PCDH9: variants seen among roughly 807,000 people sequenced by gnomAD.
The protein encoded by PCDH9 is protocadherin 9.
PCDH9 carries 24 observed loss-of-function variants against 70.6 expected under a neutral mutation model. The ratio of observed to expected loss-of-function variants is 0.34; its 90% CI spans 0.25 to 0.48. PCDH9 has a LOEUF of 0.48. PCDH9 is among the 20% of genes least tolerant of loss of function. The pLI is 0.99. For missense variants in PCDH9, 1,281 were observed against 1,503.6 expected, an observed-to-expected ratio of 0.85 and a Z score of 2.45; for synonymous variants, 562 against 558.5, an observed-to-expected ratio of 1.01 and a Z score of -0.09.
At chr13:66,324,607 G>T (rs922615918) in intron 4 of PCDH9, among the ~76,000 whole-genome samples, 1 of 151,930 alleles carries the variant, frequency 6.6e-6, no homozygotes, top group Non-Finnish European at 1.5e-5. Context: ...ATAGCCTAAA[G>T]TGAAAATGCA....
Position 66,560,106 on chromosome 13 carries a change from G to T in PCDH9, c.3340+71104C>A, listed in dbSNP as rs542833646. On this transcript the variant is annotated intron_variant, in intron 4 of 4. Coordinates refer to ENST00000377865, the MANE Select transcript of PCDH9 (RefSeq NM_203487.3). ...GCAGTCCTGTGTGTGGACTCCATTG[G>T]ACCACAGAAGAATGAGCCTTCAACC... is the stretch of plus-strand genomic sequence containing the variant. 2.0e-5 allele frequency among the ~76,000 whole-genome samples: 3 copies of T among 151,978 alleles called. No homozygotes were observed. The East Asian group carries it at 5.8e-4, about 29-fold the overall frequency.
At chr13:66,885,719 C>G (rs1170871452) in intron 3 of PCDH9, among the ~76,000 whole-genome samples, 1 of 152,004 alleles carries the variant, frequency 6.6e-6, no homozygotes, top group Admixed American at 6.6e-5. Context: ...CTTAATTTCT[C>G]CTCTATATTT....
At chr13:66,379,533 C>T (rs1403159352) in intron 4 of PCDH9, among the ~76,000 whole-genome samples, 2 of 152,136 alleles carry the variant, frequency 1.3e-5, no homozygotes, top group Admixed American at 1.3e-4. Context: ...ATGACAGTTT[C>T]TTTGTATGAC....
At chr13:67,000,907 A>C (rs2084231251) in intron 2 of PCDH9, among the ~76,000 whole-genome samples, 3 of 152,196 alleles carry the variant, frequency 2.0e-5, no homozygotes, top group African/African-American at 4.8e-5. Context: ...AAAGTGCTAA[A>C]GTCATTTATA....
intron 4 of PCDH9, among the ~76,000 whole-genome samples, chr13:66,407,706 CTTA>C (rs1224242298): frequency 6.6e-6 from 1 of 152,124 alleles, no homozygotes; most frequent in Non-Finnish European, 1.5e-5. Context: ...AACACGAAAA[CTTA>C]TTATGTTGAG....
chr13:66,502,698 G>A (rs1959183135), intron 4 of PCDH9, among the ~76,000 whole-genome samples: 1 of 152,068 alleles, frequency 6.6e-6, no homozygotes, highest in South Asian at 2.1e-4. Flanking sequence ...ATGACAATTG[G>A]TAGAAATATT....
intron 3 of PCDH9, among the ~76,000 whole-genome samples, chr13:66,827,212 G>T (rs1032886323): frequency 2.0e-5 from 3 of 152,002 alleles, no homozygotes; most frequent in African/African-American, 4.8e-5. Context: ...GCAGGGCCAA[G>T]CCCTGCTGAT....
chr13:66,739,729 CA>C (rs1315486068), intron 3 of PCDH9, among the ~76,000 whole-genome samples: 4 of 150,740 alleles, frequency 2.7e-5, no homozygotes, highest in African/African-American at 9.8e-5. Context: ...CAACAAAGAT[CA>C]AAAGAGACAA....
chr13:66,407,815 G>GAA (rs570988793), intron 4 of PCDH9, among the ~76,000 whole-genome samples: 2 of 151,846 alleles, frequency 1.3e-5, no homozygotes, highest in African/African-American at 4.8e-5. Context: ...TAGACACTGG[G>GAA]AAAAAAATCC....
At chr13:66,583,472 C>T (rs1363233857) in intron 4 of PCDH9, among the ~76,000 whole-genome samples, 2 of 151,922 alleles carry the variant, frequency 1.3e-5, no homozygotes, top group African/African-American at 4.8e-5. Flanking sequence ...ATTGGCTGGG[C>T]TTGGGGGGAC....
intron 2 of PCDH9, among the ~76,000 whole-genome samples, chr13:66,946,962 T>C (rs533475774): frequency 1.4e-4 from 21 of 152,276 alleles, no homozygotes; most frequent in Non-Finnish European, 2.6e-4. Flanking sequence ...TCCTTAACTT[T>C]AAAACACAGA....
chr13:66,355,099 A>T (rs1160210063), intron 4 of PCDH9, among the ~76,000 whole-genome samples: 1 of 152,032 alleles, frequency 6.6e-6, no homozygotes, highest in East Asian at 1.9e-4. Context: ...AGTTTTCCCA[A>T]TTCAGCCTAA....
At chr13:66,684,693 C>T (rs1435006144) in intron 3 of PCDH9, among the ~76,000 whole-genome samples, 1 of 152,068 alleles carries the variant, frequency 6.6e-6, no homozygotes, top group Non-Finnish European at 1.5e-5. Flanking sequence ...AAGCTCTTTC[C>T]TTTATAAATT....
intron 2 of PCDH9, among the ~76,000 whole-genome samples, chr13:67,179,670 G>A (rs147682291): frequency 1.3e-5 from 2 of 152,110 alleles, no homozygotes; most frequent in East Asian, 3.9e-4. Context: ...AGCAATAAGA[G>A]AAGTTTTCAT....
chr13:67,048,077 A>G (rs974433161), intron 2 of PCDH9, among the ~76,000 whole-genome samples: 3 of 152,180 alleles, frequency 2.0e-5, no homozygotes, highest in Non-Finnish European at 4.4e-5. Context: ...ATCCCTGACC[A>G]TCGACCTCAA....
chr13:66,720,078 T>C (rs1284179222), intron 3 of PCDH9, among the ~76,000 whole-genome samples: 2 of 152,192 alleles, frequency 1.3e-5, no homozygotes, highest in Non-Finnish European at 2.9e-5. Context: ...AAAGCATGAC[T>C]GGGAAGAATC....
chr13:66,357,027 G>C (rs1222697878), intron 4 of PCDH9, among the ~76,000 whole-genome samples: 2 of 151,878 alleles, frequency 1.3e-5, no homozygotes, highest in Non-Finnish European at 2.9e-5. Context: ...AAAAATATTA[G>C]AAAGATTAGT....
intron 4 of PCDH9, among the ~76,000 whole-genome samples, chr13:66,386,497 T>C (rs1956932883): frequency 6.6e-6 from 1 of 152,174 alleles, no homozygotes; most frequent in Non-Finnish European, 1.5e-5. Context: ...AAGTACTTAC[T>C]AAATGTAATT....
intron 2 of PCDH9, among the ~76,000 whole-genome samples, chr13:67,063,763 G>A (rs1463083102): frequency 6.6e-6 from 1 of 152,104 alleles, no homozygotes; most frequent in Non-Finnish European, 1.5e-5. Flanking sequence ...GGTTTTAATA[G>A]CTTATTTATA....
Sources: allele counts gnomAD v4.1 joint callset (sites outside exome capture counted in the v4.1 genomes callset), GRCh38; gene constraint gnomAD v4.1.1; transcripts MANE v1.5; gene names NCBI Gene and HGNC (gene_info 2026-07-23, HGNC 2026-07-21).